KCNJ3: variants seen among roughly 807,000 people sequenced by gnomAD.
The protein encoded by KCNJ3 is potassium inwardly rectifying channel subfamily J member 3, also known as G protein-activated inward rectifier potassium channel 1.
In KCNJ3, 4 loss-of-function variants were observed where a neutral mutation model predicts 39.2. That is an observed-to-expected ratio of 0.10 (90% CI 0.05 to 0.23). KCNJ3 has a LOEUF of 0.23. Among genes scored for constraint, KCNJ3 ranks in the 10% least tolerant of loss-of-function variants. The pLI, the probability that KCNJ3 is intolerant of heterozygous loss-of-function variation, is 1.00. For missense variants in KCNJ3, 276 were observed against 634.9 expected, an observed-to-expected ratio of 0.43 and a Z score of 6.08; for synonymous variants, 230 against 237.4, an observed-to-expected ratio of 0.97 and a Z score of 0.29.
chr2:154,773,839 C>A (rs1427865836), intron 2 of KCNJ3, among the ~76,000 whole-genome samples: 1 of 152,096 alleles, frequency 6.6e-6, no homozygotes, highest in Admixed American at 6.6e-5. Flanking sequence ...GAGATGTTAA[C>A]TTTCTTCGAT....
At chr2:154,752,798 A>C (rs1039777446) in intron 2 of KCNJ3, among the ~76,000 whole-genome samples, 3 of 152,076 alleles carry the variant, frequency 2.0e-5, no homozygotes, top group African/African-American at 7.2e-5. Context: ...AGCTACATAA[A>C]CATATAGAAC....
chr2:154,801,743 G>C (rs111302458), intron 2 of KCNJ3, among the ~76,000 whole-genome samples: 1 of 151,638 alleles, frequency 6.6e-6, no homozygotes, highest in Non-Finnish European at 1.5e-5. Flanking sequence ...TCTCCCACAT[G>C]AGTCTCCCAA....
At chr2:154,770,892 C>CT (rs35293315) in intron 2 of KCNJ3, among the ~76,000 whole-genome samples, 48,087 of 127,596 alleles carry the variant, frequency 0.38, 10,093 homozygotes, top group Non-Finnish European at 0.48. Flanking sequence ...TTTTCTTTTT[C>CT]TTTTTTTTTT....
Position 154,856,049 on chromosome 2 carries a change from C to A in KCNJ3, c.*736C>A, listed in dbSNP as rs1687832921. ...TATCTATGGCCCTGCAAAAATATAACCATTACATGTTTAAATTGTAAATTT... is the reference window on the plus strand; with the variant it reads ...TATCTATGGCCCTGCAAAAATATAAACATTACATGTTTAAATTGTAAATTT... On this transcript the variant is annotated 3_prime_UTR_variant, in exon 3 of 3. Coordinates refer to ENST00000295101, the MANE Select transcript of KCNJ3 (RefSeq NM_002239.4). 1 of 152,368 alleles carries A rather than the reference C, an allele frequency of 6.6e-6. No individual in the cohort carries two copies. The highest frequency in any genetic ancestry group is 6.6e-5 in the Admixed American group (1 of 15,236). The allele number at this position is 152,368 out of a possible 1,614,324, so 9.4% of individuals were successfully genotyped here. A position where few individuals can be genotyped will look rare whatever the true frequency, so the allele number is the denominator to read the frequency against.
chr2:154,855,089 T>C lies in KCNJ3; in HGVS notation c.1282T>C (p.Tyr428His). 6.2e-7 allele frequency: 1 copy of C among 1,614,062 alleles called. No individual in the cohort carries two copies. The highest frequency in any genetic ancestry group is 1.1e-5 in the South Asian group (1 of 91,088). Residue 428 changes from tyrosine (Y) to histidine (H), a missense_variant, in exon 3 of 3, where the codon TAC becomes CAC. Coordinates refer to ENST00000295101, the MANE Select transcript of KCNJ3 (RefSeq NM_002239.4). ...GAGTTCTACAACTTCAGAAAAAGCCTACAGCTTGGGAGACTTGCCCATGAA... is the reference window on the plus strand; with the variant it reads ...GAGTTCTACAACTTCAGAAAAAGCCCACAGCTTGGGAGACTTGCCCATGAA... ...RMSSTTSEKA[Y>H]SLGDLPMKLQ...
chr2:154,745,073 G>T (rs2105177408), intron 2 of KCNJ3, among the ~76,000 whole-genome samples: 1 of 151,708 alleles, frequency 6.6e-6, no homozygotes, highest in East Asian at 1.9e-4. Flanking sequence ...TGATTCCATT[G>T]TGTTCAGGGA....
At chr2:154,781,641 C>T (rs1317795030) in intron 2 of KCNJ3, among the ~76,000 whole-genome samples, 1 of 151,860 alleles carries the variant, frequency 6.6e-6, no homozygotes, top group African/African-American at 2.4e-5. Context: ...AAGATCTTGG[C>T]TTTTGATTGG....
At position 154,856,346 on chromosome 2, in the gene KCNJ3, A is replaced by C. The variant is rs1242658476; in HGVS notation, c.*1033A>C. ...AATTGTCCCTGTTTCAAACTGAGTAAATTGGAAACATTTTCTTTCTTTTTC... is the reference window on the plus strand; with the variant it reads ...AATTGTCCCTGTTTCAAACTGAGTACATTGGAAACATTTTCTTTCTTTTTC... On this transcript the variant is annotated 3_prime_UTR_variant, in exon 3 of 3. Coordinates refer to ENST00000295101, the MANE Select transcript of KCNJ3 (RefSeq NM_002239.4). The C allele has an allele frequency of 2.0e-5, 3 of 152,624 alleles. No individual in the cohort carries two copies. The highest frequency in any genetic ancestry group is 4.8e-5 in the African/African-American group (2 of 41,462). 9.5% of individuals were successfully genotyped at this position (152,624 alleles called of 1,614,324 possible).
Position 154,806,327 on chromosome 2 carries a change from A to G in KCNJ3, c.920-48400A>G, listed in dbSNP as rs115786901. On this transcript the variant is annotated intron_variant, in intron 2 of 2. Transcript: ENST00000295101. ...TCTCAAGTACCAATGGAGCAATGCAATGGAACCAGACAGATGTTACACAAG... is the reference window on the plus strand; with the variant it reads ...TCTCAAGTACCAATGGAGCAATGCAGTGGAACCAGACAGATGTTACACAAG... Among the ~76,000 whole-genome samples the G allele has an allele frequency of 6.4e-3, 980 of 152,298 alleles. 6 individuals are homozygous for G. Among genetic ancestry groups the G allele is most frequent in the African/African-American group, 0.012 (480 of 41,570 alleles).
At chr2:154,762,262 C>T (rs1044490603) in intron 2 of KCNJ3, among the ~76,000 whole-genome samples, 1 of 152,136 alleles carries the variant, frequency 6.6e-6, no homozygotes, top group Non-Finnish European at 1.5e-5. Flanking sequence ...TTTTACAAGG[C>T]TCTGATGGGA....
At chr2:154,849,027 C>A (rs537335583) in intron 2 of KCNJ3, among the ~76,000 whole-genome samples, 1 of 152,228 alleles carries the variant, frequency 6.6e-6, no homozygotes, top group East Asian at 1.9e-4. Flanking sequence ...TCTTCTTTTG[C>A]CTACACAGTA....
At chr2:154,760,208 G>A (rs1459566917) in intron 2 of KCNJ3, among the ~76,000 whole-genome samples, 1 of 152,060 alleles carries the variant, frequency 6.6e-6, no homozygotes, top group African/African-American at 2.4e-5. Flanking sequence ...CACTGCCATT[G>A]TTTTAATTTA....
At chr2:154,836,142 GGA>G in intron 2 of KCNJ3, among the ~76,000 whole-genome samples, 1 of 151,264 alleles carries the variant, frequency 6.6e-6, no homozygotes, top group African/African-American at 2.4e-5. Flanking sequence ...CTCAGGAGGC[GGA>G]GGTTGCAATG....
intron 2 of KCNJ3, among the ~76,000 whole-genome samples, chr2:154,777,644 A>G (rs949465536): frequency 1.3e-5 from 2 of 151,852 alleles, no homozygotes; most frequent in African/African-American, 2.4e-5. Context: ...TCCCACCCCC[A>G]CTGTGTGGTA....
chr2:154,812,585 GA>G (rs1687023250), intron 2 of KCNJ3, among the ~76,000 whole-genome samples: 1 of 152,180 alleles, frequency 6.6e-6, no homozygotes, highest in East Asian at 1.9e-4. Flanking sequence ...TTTCTTGTAG[GA>G]CATTGATTTC....
At chr2:154,841,428 A>G (rs567199028) in intron 2 of KCNJ3, among the ~76,000 whole-genome samples, 1 of 152,338 alleles carries the variant, frequency 6.6e-6, no homozygotes, top group Non-Finnish European at 1.5e-5. Flanking sequence ...CTTTGGTATC[A>G]GGATGATGTT....
chr2:154,772,116 A>G (rs1459741105), intron 2 of KCNJ3, among the ~76,000 whole-genome samples: 1 of 152,222 alleles, frequency 6.6e-6, no homozygotes, highest in Non-Finnish European at 1.5e-5. Context: ...ACTGAGAAAG[A>G]TGACTGACTG....
intron 2 of KCNJ3, among the ~76,000 whole-genome samples, chr2:154,755,973 T>C (rs889091954): frequency 1.3e-5 from 2 of 152,154 alleles, no homozygotes; most frequent in African/African-American, 4.8e-5. Context: ...ATTTTAAATA[T>C]GCCATTTTTC....
chr2:154,848,438 TTTTATG>T (rs1431984317), intron 2 of KCNJ3, among the ~76,000 whole-genome samples: 3 of 152,196 alleles, frequency 2.0e-5, no homozygotes, highest in African/African-American at 7.2e-5. Context: ...CCACTATTAT[TTTTATG>T]TTTATAATTA....
Sources: allele counts gnomAD v4.1 joint callset (sites outside exome capture counted in the v4.1 genomes callset), GRCh38; gene constraint gnomAD v4.1.1; transcripts MANE v1.5; gene names NCBI Gene and HGNC (gene_info 2026-07-23, HGNC 2026-07-21).